Variants in MAP3K4 observed in about 807,000 individuals in gnomAD.
The protein encoded by MAP3K4 is mitogen-activated protein kinase kinase kinase 4.
MAP3K4 carries 67 observed loss-of-function variants against 185.6 expected under a neutral mutation model. The observed-to-expected ratio is 0.36, with a 90% CI of 0.30 to 0.44. The LOEUF (loss-of-function observed/expected upper bound fraction) is 0.44. MAP3K4 is among the 20% of genes least tolerant of loss of function. The pLI is 1.00. For missense variants in MAP3K4, 1,551 were observed against 1,995.1 expected, an observed-to-expected ratio of 0.78 and a Z score of 4.24; for synonymous variants, 702 against 710.4, an observed-to-expected ratio of 0.99 and a Z score of 0.19.
At chr6:161,113,789 AC>A (rs1778464671) in intron 25 of MAP3K4, among the ~76,000 whole-genome samples, 1 of 101,126 alleles carries the variant, frequency 9.9e-6, no homozygotes. Context: ...CATATGAGTG[AC>A]TTTTTTTTTT....
rs150555613 is a variant in MAP3K4 at position 161,051,889 on chromosome 6, G to A, written c.1707+1910G>A. On this transcript the variant is annotated intron_variant, in intron 3 of 26. Coordinates refer to ENST00000392142, the MANE Select transcript of MAP3K4 (RefSeq NM_005922.4). The surrounding 1 kb of genome is among the most constrained non-coding windows in gnomAD (Gnocchi z 4.2). ...TGTTTTAGAGACAAGATCTCACTACGTTGCCCAGGCTGGACTCAAACTCGT... is the reference window on the plus strand; with the variant it reads ...TGTTTTAGAGACAAGATCTCACTACATTGCCCAGGCTGGACTCAAACTCGT... Among the ~76,000 whole-genome samples the A allele has an allele frequency of 1.1e-3, 168 of 152,164 alleles. No individual in the cohort carries two copies. The highest frequency in any genetic ancestry group is 1.9e-3 in the Non-Finnish European group (126 of 68,010).
intron 1 of MAP3K4, among the ~76,000 whole-genome samples, chr6:161,033,360 C>T (rs564535539): frequency 6.6e-6 from 1 of 152,208 alleles, no homozygotes; most frequent in South Asian, 2.1e-4. Context: ...CAATTTGTAT[C>T]ATTAAATTTT....
In MAP3K4 at chr6:161,106,763, A is replaced by G. The variant is rs960995296; in HGVS notation, c.4048+58A>G. On this transcript the variant is annotated intron_variant, in intron 20 of 26. Coordinates refer to ENST00000392142, the MANE Select transcript of MAP3K4 (RefSeq NM_005922.4). This position sits in a 1 kb window ranked among gnomAD's most constrained non-coding sequence, Gnocchi z 4.9. ...GTCCCTGTTAGAAGTAGCAATAGTT[A>G]TACTTCTTTAGGTTGAATCCTATAG... is the stretch of plus-strand genomic sequence containing the variant. The G allele has an allele frequency of 2.4e-5, 33 of 1,386,698 alleles. No homozygotes were observed. The highest frequency in any genetic ancestry group is 3.1e-5 in the Non-Finnish European group (31 of 1,006,764). 85.9% of individuals were successfully genotyped at this position (1,386,698 alleles called of 1,614,324 possible). A position where few individuals can be genotyped will look rare whatever the true frequency, so the allele number is the denominator to read the frequency against.
rs3214734 is a variant in MAP3K4 at position 161,034,572 on chromosome 6, AT to A, written c.343+132del. ...GATTTTAATGCTCCTGTAAAGTTCA[AT>A]TTTTTTTTGAATTATTACCATTAGT... On this transcript the variant is annotated intron_variant, in intron 2 of 26. Transcript: ENST00000392142. This position sits in a 1 kb window ranked among gnomAD's most constrained non-coding sequence, Gnocchi z 4.4. 1.6e-5 allele frequency: 9 copies of A among 568,954 alleles called. No homozygotes were observed. The highest frequency in any genetic ancestry group is 3.4e-5 in the South Asian group (1 of 29,478). 35.2% of individuals were successfully genotyped at this position (568,954 alleles called of 1,614,324 possible).
At chr6:161,038,166 ATGTG>A (rs1783269929) in intron 2 of MAP3K4, among the ~76,000 whole-genome samples, 1 of 151,950 alleles carries the variant, frequency 6.6e-6, no homozygotes, top group South Asian at 2.1e-4. Context: ...CTCCATAGGC[ATGTG>A]CTCTTTTGGA....
rs1304282099 is a variant in MAP3K4, at chr6:161,098,645, G to C, written c.3674+218G>C. On this transcript the variant is annotated intron_variant, in intron 17 of 26. Coordinates refer to ENST00000392142, the MANE Select transcript of MAP3K4 (RefSeq NM_005922.4). The surrounding 1 kb of genome is among the most constrained non-coding windows in gnomAD (Gnocchi z 4.4). ...CTGATGTCAGTATTTCTTTGGAGCT[G>C]ATATTAGCCAAAATGACTAAAGACT... Among the ~76,000 whole-genome samples, 1 of 152,192 alleles carries C rather than the reference G, an allele frequency of 6.6e-6. No homozygotes were observed. Among genetic ancestry groups the C allele is most frequent in the Non-Finnish European group, 1.5e-5 (1 of 68,034 alleles).
intron 1 of MAP3K4, among the ~76,000 whole-genome samples, chr6:161,016,724 A>C (rs9458090): frequency 0.031 from 4,681 of 152,188 alleles, 175 homozygotes; most frequent in African/African-American, 0.085. Context: ...TGCCATTATC[A>C]CACTCTTAAT....
chr6:161,004,249 A>G (rs1050605170), intron 1 of MAP3K4, among the ~76,000 whole-genome samples: 1 of 152,162 alleles, frequency 6.6e-6, no homozygotes, highest in African/African-American at 2.4e-5. Context: ...AGCTGAAATT[A>G]TGACCCATAA....
chr6:161,056,549 G>T lies in MAP3K4; in HGVS notation c.1707+6570G>T, dbSNP rs188380584. On this transcript the variant is annotated intron_variant, in intron 3 of 26. Coordinates refer to ENST00000392142, the MANE Select transcript of MAP3K4 (RefSeq NM_005922.4). This position sits in a 1 kb window ranked among gnomAD's most constrained non-coding sequence, Gnocchi z 5.4. ...CTGTAACTTACTTCTCTTATAGTGAGAAACCTGGCTACCATTACTACAATT... is the reference window on the plus strand; with the variant it reads ...CTGTAACTTACTTCTCTTATAGTGATAAACCTGGCTACCATTACTACAATT... Among the ~76,000 whole-genome samples, 407 of 152,252 alleles carry T rather than the reference G, an allele frequency of 2.7e-3. 1 individual carries two copies. The highest frequency in any genetic ancestry group is 4.5e-3 in the Non-Finnish European group (305 of 68,008).
In MAP3K4 at chr6:161,080,422, C is replaced by A. The variant is rs375056427; in HGVS notation, c.2098-459C>A. On this transcript the variant is annotated intron_variant, in intron 5 of 26. Transcript: ENST00000392142. This position sits in a 1 kb window ranked among gnomAD's most constrained non-coding sequence, Gnocchi z 4.8. Reference sequence around the variant, plus strand: ...CAAGCCTTGAAAACATTTTATCACGCAAATCCGGATGTTAGGAAGGGGTGG... The same window carrying A: ...CAAGCCTTGAAAACATTTTATCACGAAAATCCGGATGTTAGGAAGGGGTGG... 2.0e-5 allele frequency among the ~76,000 whole-genome samples: 3 copies of A among 152,116 alleles called. No individual in the cohort carries two copies. Among genetic ancestry groups the A allele is most frequent in the South Asian group, 4.1e-4 (2 of 4,820 alleles).
At position 161,070,704 on chromosome 6, in the gene MAP3K4, G is replaced by A. The variant is rs754719691; in HGVS notation, c.1804G>A (p.Glu602Lys). ...GGAGAAATGCAGTGCTGTGTCGTGG[G>A]AGGAGCTGAAGGCCATGGATTTACC... ...SEEKCSAVSW[E>K]ELKAMDLPSF... is the part of the protein sequence containing the mutation. The change falls in exon 4 of 27, where the codon GAG (glutamate) becomes AAG (lysine). Residue 602 changes from glutamate (E) to lysine (K), a missense_variant. Coordinates refer to ENST00000392142, the MANE Select transcript of MAP3K4 (RefSeq NM_005922.4). The surrounding 1 kb of genome is among the most constrained non-coding windows in gnomAD (Gnocchi z 4.5). The A allele has an allele frequency of 1.9e-6, 3 of 1,614,012 alleles. No individual in the cohort carries two copies. Among genetic ancestry groups the A allele is most frequent in the Admixed American group, 3.3e-5 (2 of 60,006 alleles).
rs1355927512 is a variant in MAP3K4, at chr6:161,037,391, TATC to T, written c.343+2948_343+2950del. ...TTAGGATTATGTATTCAGTATTAGT[TATC>T]ATCATTATTATTGTAAACTCAGGAT... is the stretch of plus-strand genomic sequence containing the variant. On this transcript the variant is annotated intron_variant, in intron 2 of 26. Transcript: ENST00000392142. This position sits in a 1 kb window ranked among gnomAD's most constrained non-coding sequence, Gnocchi z 4.2. Among the ~76,000 whole-genome samples, 2 of 152,166 alleles carry T rather than the reference TATC, an allele frequency of 1.3e-5. No individual in the cohort carries two copies. Among genetic ancestry groups the T allele is most frequent in the African/African-American group, 4.8e-5 (2 of 41,436 alleles).
At chr6:161,105,379 C>G (rs911798019) in intron 19 of MAP3K4, among the ~76,000 whole-genome samples, 5 of 152,190 alleles carry the variant, frequency 3.3e-5, no homozygotes, top group African/African-American at 1.2e-4. Context: ...CACAGTAGGT[C>G]TGTGAGATAG....
rs1482584906 is a variant in MAP3K4, at chr6:161,076,267, TG to T, written c.2097+2656del. On this transcript the variant is annotated intron_variant, in intron 5 of 26. Coordinates refer to ENST00000392142, the MANE Select transcript of MAP3K4 (RefSeq NM_005922.4). This position sits in a 1 kb window ranked among gnomAD's most constrained non-coding sequence, Gnocchi z 4.2. Reference sequence around the variant, plus strand: ...GCTGAGCCTGTCTCTCCAGGGATTCTGTTGTTGACTGAAGAGCTGCCCGACA... The same window carrying T: ...GCTGAGCCTGTCTCTCCAGGGATTCTTTGTTGACTGAAGAGCTGCCCGACA... Among the ~76,000 whole-genome samples the T allele has an allele frequency of 6.6e-6, 1 of 152,204 alleles. No individual in the cohort carries two copies. Among genetic ancestry groups the T allele is most frequent in the Non-Finnish European group, 1.5e-5 (1 of 68,030 alleles).
chr6:161,101,195 G>A lies in MAP3K4; in HGVS notation c.3675-697G>A, dbSNP rs1346938111. On this transcript the variant is annotated intron_variant, in intron 17 of 26. Coordinates refer to ENST00000392142, the MANE Select transcript of MAP3K4 (RefSeq NM_005922.4). The surrounding 1 kb of genome is among the most constrained non-coding windows in gnomAD (Gnocchi z 5.1). ...TTTTACTCTTTATGGGTTCATTCTG[G>A]TTGCTGAACATTTCACTTTATTCTG... is the stretch of plus-strand genomic sequence containing the variant. 2.6e-5 allele frequency: 4 copies of A among 151,984 alleles called. No homozygotes were observed. In the East Asian group the frequency reaches 5.8e-4, roughly 22 times the overall value. 9.4% of individuals were successfully genotyped at this position (151,984 alleles called of 1,614,324 possible).
intron 1 of MAP3K4, among the ~76,000 whole-genome samples, chr6:161,015,011 A>G (rs1267637255): frequency 6.6e-6 from 1 of 152,114 alleles, no homozygotes; most frequent in Non-Finnish European, 1.5e-5. Flanking sequence ...GGATCATATA[A>G]TATGTGGGTT....
intron 3 of MAP3K4, among the ~76,000 whole-genome samples, chr6:161,059,357 G>A (rs1784387584): frequency 1.3e-5 from 2 of 151,976 alleles, no homozygotes; most frequent in Non-Finnish European, 1.5e-5. Context: ...GGCTGGTCTC[G>A]AACTCCTGGC....
intron 1 of MAP3K4, among the ~76,000 whole-genome samples, chr6:160,992,831 T>C (rs1780799396): frequency 6.6e-6 from 1 of 152,204 alleles, no homozygotes; most frequent in Non-Finnish European, 1.5e-5. Context: ...TTTTTTTAAT[T>C]GAGAGAACAA....
chr6:161,076,605 G>A lies in MAP3K4; in HGVS notation c.2097+2993G>A, dbSNP rs1190036018. ...CAAGACAATAAACATAATAATACAT[G>A]ATGTAGGAACATGTGACAGCCTTAA... is the stretch of plus-strand genomic sequence containing the variant. On this transcript the variant is annotated intron_variant, in intron 5 of 26. Transcript: ENST00000392142. This position sits in a 1 kb window ranked among gnomAD's most constrained non-coding sequence, Gnocchi z 4.2. Among the ~76,000 whole-genome samples the A allele has an allele frequency of 6.6e-6, 1 of 152,110 alleles. No homozygotes were observed. The highest frequency in any genetic ancestry group is 2.4e-5 in the African/African-American group (1 of 41,414).
Sources: allele counts gnomAD v4.1 joint callset (sites outside exome capture counted in the v4.1 genomes callset), GRCh38; gene constraint gnomAD v4.1.1; non-coding constraint Gnocchi (gnomAD v3.1); transcripts MANE v1.5; gene names NCBI Gene and HGNC (gene_info 2026-07-23, HGNC 2026-07-21).